CACNB4: variants seen among roughly 807,000 people sequenced by gnomAD.
The protein encoded by CACNB4 is voltage-dependent L-type calcium channel subunit beta-4.
A neutral mutation model predicts 71.2 loss-of-function variants in CACNB4; 32 were observed. The observed-to-expected ratio is 0.45, with a 90% CI of 0.34 to 0.60. CACNB4 has a LOEUF of 0.60. Among genes scored for constraint, CACNB4 ranks in the 20% least tolerant of loss-of-function variants. The pLI is 0.01. For missense variants in CACNB4, 464 were observed against 647.9 expected (o/e 0.72, Z 3.08); for synonymous variants, 231 against 236.9 (o/e 0.97, Z 0.23).
chr2:151,871,110 T>C (rs889504805), intron 6 of CACNB4: 9 of 533,348 alleles, frequency 1.7e-5, no homozygotes, highest in African/African-American at 3.8e-5. Context: ...TGGGTGGGAA[T>C]TGGGTACAGG....
chr2:152,032,822 C>T (rs4619608), intron 2 of CACNB4, among the ~76,000 whole-genome samples: 43,821 of 152,004 alleles, frequency 0.29, 6,503 homozygotes, highest in Middle Eastern at 0.42. Context: ...GGTATGTTGG[C>T]ATACGCCTAT....
At chr2:152,018,533 T>C (rs1683475474) in intron 2 of CACNB4, among the ~76,000 whole-genome samples, 1 of 152,068 alleles carries the variant, frequency 6.6e-6, no homozygotes, top group Non-Finnish European at 1.5e-5. Flanking sequence ...TCAAGCACAG[T>C]GGTTCATGCC....
chr2:152,098,199 C>T lies in CACNB4; in HGVS notation c.147+131G>A. ...GAGAGGGACTGAGCCCGAGCACCGG[C>T]CGAGGCCGGGAAGAGACGCGCGCGG... On this transcript the variant is annotated intron_variant, in intron 2 of 13. Transcript: ENST00000539935. This position sits in a 1 kb window ranked among gnomAD's most constrained non-coding sequence, Gnocchi z 5.3. 3.0e-6 allele frequency: 2 copies of T among 670,200 alleles called. No homozygotes were observed. The highest frequency in any genetic ancestry group is 5.2e-6 in the Non-Finnish European group (2 of 383,772). 41.5% of individuals were successfully genotyped at this position (670,200 alleles called of 1,614,324 possible).
intron 2 of CACNB4, among the ~76,000 whole-genome samples, chr2:152,075,403 C>T (rs751678637): frequency 2.6e-5 from 4 of 152,066 alleles, no homozygotes; most frequent in Non-Finnish European, 5.9e-5. Flanking sequence ...TTACTCTGAG[C>T]GTATTAAGGG....
chr2:152,008,885 C>T (rs1350730138), intron 2 of CACNB4, among the ~76,000 whole-genome samples: 1 of 152,200 alleles, frequency 6.6e-6, no homozygotes, highest in Non-Finnish European at 1.5e-5. Flanking sequence ...CTGGGCAGCA[C>T]TAGCACGGGG....
intron 9 of CACNB4, chr2:151,868,361 A>G (rs1284135823): frequency 6.6e-6 from 1 of 152,166 alleles, no homozygotes; most frequent in Non-Finnish European, 1.5e-5. Flanking sequence ...CCCCATTTAA[A>G]TTTCCTACAT....
At chr2:151,866,206 C>T (rs1439940607) in intron 9 of CACNB4, 1 of 152,128 alleles carries the variant, frequency 6.6e-6, no homozygotes, top group Non-Finnish European at 1.5e-5. Context: ...CAAAAAAATC[C>T]CAAGTTTATG....
chr2:152,084,012 A>T (rs1687508302), intron 2 of CACNB4, among the ~76,000 whole-genome samples: 1 of 152,234 alleles, frequency 6.6e-6, no homozygotes, highest in South Asian at 2.1e-4. Context: ...AAATATTTTA[A>T]ATATATAAAT....
At chr2:152,065,835 G>A (rs1292810099) in intron 2 of CACNB4, among the ~76,000 whole-genome samples, 1 of 152,078 alleles carries the variant, frequency 6.6e-6, no homozygotes, top group African/African-American at 2.4e-5. Flanking sequence ...TCCAATTCCT[G>A]GGCTTAAACG....
In CACNB4 at chr2:151,860,836, CAG is replaced by C; in HGVS notation, c.759-18_759-17del. Reference sequence around the variant, plus strand: ...TATTGAAATCCTATGAATAGGAACACAGAACAGAACAAGCCAGTAAAAATGTT... The same window carrying C: ...TATTGAAATCCTATGAATAGGAACACAACAGAACAAGCCAGTAAAAATGTT... On this transcript the variant is annotated splice_polypyrimidine_tract_variant and intron_variant, in intron 9 of 13. Coordinates refer to ENST00000539935, the MANE Select transcript of CACNB4 (RefSeq NM_000726.5). 2 of 1,513,420 alleles carry C rather than the reference CAG, an allele frequency of 1.3e-6. No individual in the cohort carries two copies. Among genetic ancestry groups the C allele is most frequent in the Non-Finnish European group, 1.8e-6 (2 of 1,089,232 alleles). The allele number at this position is 1,513,420 out of a possible 1,614,324, so 93.7% of individuals were successfully genotyped here.
intron 2 of CACNB4, among the ~76,000 whole-genome samples, chr2:151,943,985 G>A (rs949293286): frequency 1.3e-5 from 2 of 150,806 alleles, no homozygotes; most frequent in African/African-American, 4.9e-5. Context: ...ATGATGGTTT[G>A]TGTGGAACAC....
chr2:151,980,824 T>G (rs1406035106), intron 2 of CACNB4, among the ~76,000 whole-genome samples: 1 of 152,254 alleles, frequency 6.6e-6, no homozygotes, highest in African/African-American at 2.4e-5. Context: ...AATCTAGGTG[T>G]GACATAGAGT....
chr2:151,934,792 G>A (rs955920520), intron 2 of CACNB4, among the ~76,000 whole-genome samples: 2 of 151,998 alleles, frequency 1.3e-5, no homozygotes, highest in African/African-American at 2.4e-5. Context: ...AGCCGAGATC[G>A]CACCACTGCA....
intron 2 of CACNB4, chr2:151,971,367 G>A (rs114942289): frequency 3.9e-5 from 24 of 616,878 alleles, no homozygotes; most frequent in Non-Finnish European, 5.8e-5. Flanking sequence ...AGCACAGAAC[G>A]GTAGGACATA....
intron 2 of CACNB4, among the ~76,000 whole-genome samples, chr2:152,059,226 G>A (rs1387106072): frequency 6.6e-6 from 1 of 152,222 alleles, no homozygotes; most frequent in Non-Finnish European, 1.5e-5. Context: ...GTGGAGCTGT[G>A]AGAAGAGGAC....
chr2:151,849,840 A>G (rs1201224990), intron 12 of CACNB4, among the ~76,000 whole-genome samples: 1 of 152,170 alleles, frequency 6.6e-6, no homozygotes. Context: ...AGATAACCAT[A>G]GCTTGGTCCC....
chr2:151,956,251 T>A (rs1219223904), intron 2 of CACNB4, among the ~76,000 whole-genome samples: 2 of 152,248 alleles, frequency 1.3e-5, no homozygotes, highest in African/African-American at 4.8e-5. Context: ...GCATGAATGT[T>A]CACAGCAGCA....
rs140171296 is a variant in CACNB4 at position 151,870,258 on chromosome 2, G to A, written c.699+273C>T. 4.7e-5 allele frequency: 33 copies of A among 703,028 alleles called. No individual in the cohort carries two copies. In the East Asian group the frequency reaches 7.8e-4, roughly 17 times the overall value. 43.5% of individuals were successfully genotyped at this position (703,028 alleles called of 1,614,324 possible). ...TAAAGTCCTTTTCTTTGCATTTAAT[G>A]TACAGCAAATCTTTGACCAGATCTT... On this transcript the variant is annotated intron_variant, in intron 8 of 13. Transcript: ENST00000539935.
intron 2 of CACNB4, among the ~76,000 whole-genome samples, chr2:152,093,968 C>T (rs1688125834): frequency 6.6e-6 from 1 of 152,208 alleles, no homozygotes; most frequent in Admixed American, 6.5e-5. Context: ...CTCCATCCAT[C>T]CACTGCTTCA....
Sources: allele counts gnomAD v4.1 joint callset (sites outside exome capture counted in the v4.1 genomes callset), GRCh38; gene constraint gnomAD v4.1.1; non-coding constraint Gnocchi (gnomAD v3.1); transcripts MANE v1.5; gene names NCBI Gene and HGNC (gene_info 2026-07-23, HGNC 2026-07-21).